The following CNTN3 variants were observed in gnomAD, a reference collection of about 807,000 sequenced individuals.
CNTN3 encodes contactin 3.
Under a neutral mutation model 119.1 loss-of-function variants are expected in CNTN3, and 60 were observed. That is an observed-to-expected ratio of 0.50 (90% CI 0.41 to 0.62). The LOEUF is 0.62. Among genes scored for constraint, CNTN3 ranks in the 20% least tolerant of loss-of-function variants. CNTN3 has a pLI of 0.00. For synonymous variants in CNTN3, 450 were observed against 438.7 expected, an observed-to-expected ratio of 1.03 and a Z score of -0.32; for missense variants, 1,101 against 1,242.4, an observed-to-expected ratio of 0.89 and a Z score of 1.71.
rs367862077 is a variant in CNTN3 at position 74,594,510 on chromosome 3, T to C, written c.-81+19881A>G. Among the ~76,000 whole-genome samples the C allele has an allele frequency of 2.6e-3, 391 of 152,036 alleles. 1 individual carries two copies. Among genetic ancestry groups the C allele is most frequent in the African/African-American group, 8.8e-3 (364 of 41,480 alleles). ...TTCCTGTGTCCATATGTTCTCATTG[T>C]TCAATTCCCATCTATGAGTGAGAAC... is the stretch of plus-strand genomic sequence containing the variant. On this transcript the variant is annotated intron_variant, in intron 1 of 22. Coordinates refer to ENST00000263665, the MANE Select transcript of CNTN3 (RefSeq NM_020872.3).
chr3:74,537,827 G>A (rs1703787405), intron 1 of CNTN3, among the ~76,000 whole-genome samples: 1 of 152,088 alleles, frequency 6.6e-6, no homozygotes, highest in Admixed American at 6.6e-5. Context: ...AGGGATGGAG[G>A]TCTACAGGGG....
chr3:74,589,834 A>ATTC (rs1171814879), intron 1 of CNTN3, among the ~76,000 whole-genome samples: 33 of 149,794 alleles, frequency 2.2e-4, no homozygotes, highest in East Asian at 4.0e-4. Flanking sequence ...GGAAATCATC[A>ATTC]TTCTCAGTAA....
chr3:74,470,505 T>A (rs1392262230), intron 4 of CNTN3, among the ~76,000 whole-genome samples: 2 of 151,982 alleles, frequency 1.3e-5, no homozygotes, highest in Non-Finnish European at 2.9e-5. Context: ...AAGTCACCTC[T>A]CCCTACATGC....
chr3:74,559,566 A>G (rs1704121266), intron 1 of CNTN3, among the ~76,000 whole-genome samples: 1 of 151,698 alleles, frequency 6.6e-6, no homozygotes, highest in Non-Finnish European at 1.5e-5. Context: ...TAAACATAAA[A>G]GATTAAAATA....
intron 16 of CNTN3, 118 bp from the exon 17 acceptor site, chr3:74,300,056 T>C (rs1702422927): frequency 1.9e-6 from 1 of 529,796 alleles, no homozygotes; most frequent in Admixed American, 3.9e-5. Flanking sequence ...ACATGATTCA[T>C]ACATATGGGT....
intron 1 of CNTN3, among the ~76,000 whole-genome samples, chr3:74,549,931 AT>A (rs1320704213): frequency 5.9e-5 from 9 of 152,356 alleles, no homozygotes; most frequent in African/African-American, 2.2e-4. Context: ...ACTATATACC[AT>A]TTGAAAAACA....
intron 20 of CNTN3, among the ~76,000 whole-genome samples, chr3:74,271,220 T>C (rs1559673433): frequency 6.6e-6 from 1 of 152,136 alleles, no homozygotes; most frequent in Admixed American, 6.5e-5. Context: ...AAATAAATTG[T>C]GGCGTTCATC....
intron 1 of CNTN3, among the ~76,000 whole-genome samples, chr3:74,540,595 C>G (rs528218469): frequency 6.6e-6 from 1 of 152,214 alleles, no homozygotes; most frequent in Non-Finnish European, 1.5e-5. Flanking sequence ...TACTGGTATA[C>G]CAATTGTCAG....
intron 17 of CNTN3, among the ~76,000 whole-genome samples, chr3:74,298,597 A>T (rs922650923): frequency 6.5e-5 from 9 of 138,558 alleles, no homozygotes; most frequent in African/African-American, 2.4e-4. Context: ...ATTAAGTAAA[A>T]CTGGAAAAAA....
intron 4 of CNTN3, among the ~76,000 whole-genome samples, chr3:74,432,720 T>G (rs1304377371): frequency 6.6e-6 from 1 of 152,232 alleles, no homozygotes; most frequent in Non-Finnish European, 1.5e-5. Flanking sequence ...TTATCTTCGG[T>G]ATCAGCATGT....
chr3:74,596,856 A>G (rs1241288928), intron 1 of CNTN3, among the ~76,000 whole-genome samples: 5 of 152,092 alleles, frequency 3.3e-5, no homozygotes, highest in African/African-American at 9.7e-5. Context: ...ATCAGAAGAT[A>G]TTACTATTTA....
At position 74,371,473 on chromosome 3, in the gene CNTN3, A is replaced by C. The variant is rs1399541410; in HGVS notation, c.455-74T>G. ...TTTCCATTGTGTCCTTAATGTATCT[A>C]TACAAACATCAACTTTACTTCCAAG... On this transcript the variant is annotated intron_variant, in intron 5 of 22. Transcript: ENST00000263665. 8.2e-6 allele frequency: 9 copies of C among 1,091,688 alleles called. No homozygotes were observed. In the Admixed American group the frequency reaches 1.3e-4, roughly 15 times the overall value. 67.6% of individuals were successfully genotyped at this position (1,091,688 alleles called of 1,614,324 possible).
In CNTN3 at chr3:74,263,214, A is replaced by T. The variant is rs927667497; in HGVS notation, c.*1187T>A. 1 of 152,118 alleles carries T rather than the reference A, an allele frequency of 6.6e-6. No homozygotes were observed. The highest frequency in any genetic ancestry group is 2.4e-5 in the African/African-American group (1 of 41,440). The allele number at this position is 152,118 out of a possible 1,614,324, so 9.4% of individuals were successfully genotyped here. A position where few individuals can be genotyped will look rare whatever the true frequency, so the allele number is the denominator to read the frequency against. On this transcript the variant is annotated 3_prime_UTR_variant, in exon 23 of 23. Coordinates refer to ENST00000263665, the MANE Select transcript of CNTN3 (RefSeq NM_020872.3). ...TTCAACAATTTTTTGAAAACCACAT[A>T]TTGAAAGACTGAGTCATACATATCA...
intron 11 of CNTN3, among the ~76,000 whole-genome samples, chr3:74,339,195 C>T (rs2106719891): frequency 6.6e-6 from 1 of 151,912 alleles, no homozygotes; most frequent in East Asian, 1.9e-4. Flanking sequence ...TGATCCTGCC[C>T]TCCTCCCTCC....
intron 5 of CNTN3, among the ~76,000 whole-genome samples, chr3:74,422,030 T>G (rs11926297): frequency 0.031 from 4,683 of 152,272 alleles, 238 homozygotes; most frequent in African/African-American, 0.11. Context: ...ACTGGCCAAA[T>G]TTTTAAAAAT....
At chr3:74,389,827 C>G (rs555911218) in intron 5 of CNTN3, among the ~76,000 whole-genome samples, 4 of 152,238 alleles carry the variant, frequency 2.6e-5, no homozygotes, top group Admixed American at 2.6e-4. Flanking sequence ...AATCCAAGCT[C>G]TATTCCATAT....
At chr3:74,386,467 G>A (rs1276770216) in intron 5 of CNTN3, among the ~76,000 whole-genome samples, 1 of 152,080 alleles carries the variant, frequency 6.6e-6, no homozygotes, top group Admixed American at 6.6e-5. Flanking sequence ...AAAATTAGCT[G>A]GGAGGGCAAG....
chr3:74,517,271 C>T (rs1329572480), intron 2 of CNTN3, among the ~76,000 whole-genome samples: 2 of 151,954 alleles, frequency 1.3e-5, no homozygotes, highest in African/African-American at 2.4e-5. Flanking sequence ...CTTATCACTA[C>T]CTTTAAAAAC....
At chr3:74,421,459 G>A (rs2106890746) in intron 5 of CNTN3, among the ~76,000 whole-genome samples, 1 of 152,246 alleles carries the variant, frequency 6.6e-6, no homozygotes, top group East Asian at 1.9e-4. Flanking sequence ...ATGAGCCATT[G>A]TGCCCAGCTG....
Sources: gnomAD v4.1 joint callset for allele counts (sites outside exome capture counted in the v4.1 genomes callset) on GRCh38, gnomAD v4.1.1 for gene constraint, MANE v1.5 for transcripts, NCBI Gene and HGNC (gene_info 2026-07-23, HGNC 2026-07-21) for gene names.